WDR35: variants seen among roughly 807,000 people sequenced by gnomAD.
WDR35 encodes WD repeat domain 35.
In WDR35, 118 loss-of-function variants were observed where a neutral mutation model predicts 158.3. The observed-to-expected ratio is 0.75, with a 90% CI of 0.64 to 0.87. WDR35 has a LOEUF of 0.87. Ranked by LOEUF, WDR35 falls within the 40% of genes least tolerant of loss-of-function variation. The pLI, the probability that WDR35 is intolerant of heterozygous loss-of-function variation, is 0.00. For synonymous variants in WDR35, 448 were observed against 476.1 expected (o/e 0.94, Z 0.77); for missense variants, 1,263 against 1,405.8 (o/e 0.90, Z 1.62).
At chr2:19,946,316 T>G (rs774443272) in intron 15 of WDR35, 145 bp downstream of exon 15, 1 of 772,154 alleles carries the variant, frequency 1.3e-6, no homozygotes, top group South Asian at 1.5e-5. Context: ...TTAAACCAAA[T>G]GCAGTATAAA....
chr2:19,946,067 C>G, intron 15 of WDR35, 71 bp from the exon 16 acceptor site: 1 of 1,445,428 alleles, frequency 6.9e-7, no homozygotes, highest in Admixed American at 1.8e-5. Flanking sequence ...GAATAATTAC[C>G]TATAGCCATT....
chr2:19,987,592 G>A (rs1672609319), intron 2 of WDR35, among the ~76,000 whole-genome samples: 1 of 152,068 alleles, frequency 6.6e-6, no homozygotes. Context: ...GGGAGGCCGA[G>A]GTGGGTAGAT....
intron 25 of WDR35, among the ~76,000 whole-genome samples, chr2:19,926,561 A>T (rs2103391847): frequency 6.6e-6 from 1 of 152,358 alleles, no homozygotes; most frequent in South Asian, 2.1e-4. Flanking sequence ...ACTGATGACA[A>T]AAACAAAAAA....
In WDR35 at chr2:19,935,541, T is replaced by C. The variant is rs775387773; in HGVS notation, c.2477A>G (p.Tyr826Cys). Reference sequence around the variant, plus strand: ...TAACCCTTCATAATCCTCTAACATATAGTAACATTCAGCTAAGCGTTCCTG... The same window carrying C: ...TAACCCTTCATAATCCTCTAACATACAGTAACATTCAGCTAAGCGTTCCTG... ...RNQERLAECYYMLEDYEGLEN... is the reference protein window; with the variant it reads ...RNQERLAECYCMLEDYEGLEN... The change falls in exon 21 of 27, where the codon TAT (tyrosine) becomes TGT (cysteine). Residue 826 changes from tyrosine (Y) to cysteine (C), a missense_variant. Coordinates refer to ENST00000281405, the MANE Select transcript of WDR35 (RefSeq NM_020779.4). 6 of 1,613,268 alleles carry C rather than the reference T, an allele frequency of 3.7e-6. No homozygotes were observed. The highest frequency in any genetic ancestry group is 2.2e-5 in the East Asian group (1 of 44,764).
At chr2:19,982,383 G>A in intron 3 of WDR35, 80 bp downstream of exon 3, 3 of 1,291,512 alleles carry the variant, frequency 2.3e-6, no homozygotes, top group Non-Finnish European at 3.3e-6. Context: ...TTAAAATGTT[G>A]ACATTTCTGC....
At chr2:19,973,128 T>C (rs917078505) in intron 8 of WDR35, among the ~76,000 whole-genome samples, 49 of 152,206 alleles carry the variant, frequency 3.2e-4, no homozygotes, top group African/African-American at 1.1e-3. Flanking sequence ...AAATTAAAAG[T>C]ATTAGAAGTT....
At chr2:19,976,357 A>G (rs966798631) in intron 5 of WDR35, among the ~76,000 whole-genome samples, 4 of 152,220 alleles carry the variant, frequency 2.6e-5, no homozygotes, top group Non-Finnish European at 2.9e-5. Flanking sequence ...CTCCACTTCA[A>G]CTGCCACTCA....
At chr2:19,979,534 G>A (rs1476077673) in intron 4 of WDR35, among the ~76,000 whole-genome samples, 1 of 152,098 alleles carries the variant, frequency 6.6e-6, no homozygotes, top group African/African-American at 2.4e-5. Context: ...TTGTCTTTTA[G>A]CATAACCAAA....
chr2:19,912,150 A>G lies in WDR35; in HGVS notation c.*1408T>C, dbSNP rs1558316655. On this transcript the variant is annotated 3_prime_UTR_variant, in exon 27 of 27. Transcript: ENST00000281405. Reference sequence around the variant, plus strand: ...TCTTTCCACTCCACTGGCACGTTACACTAACAGTGTTAATCTATCATTGCT... The same window carrying G: ...TCTTTCCACTCCACTGGCACGTTACGCTAACAGTGTTAATCTATCATTGCT... The G allele has an allele frequency of 6.6e-6, 1 of 152,242 alleles. No individual in the cohort carries two copies. The highest frequency in any genetic ancestry group is 1.5e-5 in the Non-Finnish European group (1 of 68,050). The allele number at this position is 152,242 out of a possible 1,614,324, so 9.4% of individuals were successfully genotyped here.
intron 25 of WDR35, among the ~76,000 whole-genome samples, chr2:19,927,674 G>C (rs577324873): frequency 5.4e-4 from 82 of 152,276 alleles, no homozygotes; most frequent in African/African-American, 1.9e-3. Flanking sequence ...GAATAAAAAA[G>C]CGTCTAGAAG....
Position 19,980,727 on chromosome 2 carries a change from C to A in WDR35, c.271G>T (p.Glu91Ter). The A allele has an allele frequency of 2.5e-6, 4 of 1,613,756 alleles. No individual in the cohort carries two copies. The highest frequency in any genetic ancestry group is 3.4e-6 in the Non-Finnish European group (4 of 1,179,792). The change falls in exon 4 of 27, where the codon GAA becomes TAA. Residue 91 changes from glutamate to a stop codon, truncating the protein, a stop_gained. Coordinates refer to ENST00000281405, the MANE Select transcript of WDR35 (RefSeq NM_020779.4). LOFTEE classifies it high-confidence loss of function. ...EQYQKLTTSD[E>*]NGLIIVWMLY... Reference sequence around the variant, plus strand: ...ATCCACACAATGATAAGCCCGTTTTCATCACTGGTAGTCAACTTCTGATAC... The same window carrying A: ...ATCCACACAATGATAAGCCCGTTTTAATCACTGGTAGTCAACTTCTGATAC...
chr2:19,935,459 T>C lies in WDR35; in HGVS notation c.2547+12A>G, dbSNP rs1280129537. The C allele has an allele frequency of 1.2e-6, 2 of 1,612,374 alleles. No individual in the cohort carries two copies. The highest frequency in any genetic ancestry group is 1.7e-5 in the Admixed American group (1 of 59,872). On this transcript the variant is annotated intron_variant, in intron 21 of 26. Transcript: ENST00000281405. ...CCTAACAATTCCAAAAACTAAAATT[T>C]GCAATACCTACTGGAAGTAACTTGT...
chr2:19,969,373 C>T, intron 9 of WDR35, 107 bp downstream of exon 9: 2 of 1,242,158 alleles, frequency 1.6e-6, no homozygotes, highest in South Asian at 2.9e-5. Flanking sequence ...AAAAAGGCTT[C>T]CTTTCTGCTA....
chr2:19,914,298 G>C (rs1669930288), intron 25 of WDR35, 21 bp from the exon 26 acceptor site: 1 of 1,613,584 alleles, frequency 6.2e-7, no homozygotes, highest in African/African-American at 1.3e-5. Context: ...CAGGGCAATT[G>C]GGGTTTTTTA....
Position 19,973,654 on chromosome 2 carries a change from A to G in WDR35, c.791T>C (p.Met264Thr). The change falls in exon 8 of 27, where the codon ATG (methionine) becomes ACG (threonine). Residue 264 changes from methionine (M) to threonine (T), a missense_variant. Met to Thr is a moderately conservative substitution (Grantham distance 81). Coordinates refer to ENST00000281405, the MANE Select transcript of WDR35 (RefSeq NM_020779.4). ...MYVVGIQWNHMGSVLAVAGFQ... is the reference protein window; with the variant it reads ...MYVVGIQWNHTGSVLAVAGFQ... ...GCCTGCCACAGCTAACACGCTGCCC[A>G]TGTGGTTCCACTGGATGCCTACTAC... 6.2e-7 allele frequency: 1 copy of G among 1,614,184 alleles called. No homozygotes were observed. The highest frequency in any genetic ancestry group is 8.5e-7 in the Non-Finnish European group (1 of 1,180,038).
Position 19,957,507 on chromosome 2 carries a change from T to C in WDR35, c.1255+3047A>G, listed in dbSNP as rs76855119. ...AGGCCCTCCATGCCCTTTTTGACTG[T>C]TCAATATCTGAAAAGAAAAAAATTT... On this transcript the variant is annotated intron_variant, in intron 11 of 26. Transcript: ENST00000281405. Among the ~76,000 whole-genome samples the C allele has an allele frequency of 1.1e-3, 161 of 151,796 alleles. 1 individual carries two copies. Among genetic ancestry groups the C allele is most frequent in the Non-Finnish European group, 1.9e-3 (127 of 67,944 alleles).
At chr2:19,973,779 A>G in intron 7 of WDR35, 71 bp from the exon 8 acceptor site, 3 of 1,543,738 alleles carry the variant, frequency 1.9e-6, no homozygotes, top group Non-Finnish European at 1.8e-6. Context: ...AATCTTAAGA[A>G]CAACTTTTAA....
chr2:19,936,231 TC>T lies in WDR35; in HGVS notation c.2401del (p.Asp801IlefsTer6). Reference sequence around the variant, plus strand: ...GTAAGTTACATACCACTTTTGTCGATCAGCAAAGTAGTCTCCAATGGCATTG... The same window carrying T: ...GTAAGTTACATACCACTTTTGTCGATAGCAAAGTAGTCTCCAATGGCATTG... ...ANNAIGDYFA[D>X]RQKWLNAVQY... is the part of the protein sequence containing the mutation. On this transcript the variant is annotated frameshift_variant, in exon 20 of 27. Transcript: ENST00000281405. LOFTEE classifies it high-confidence loss of function. 6.2e-7 allele frequency: 1 copy of T among 1,613,906 alleles called. No homozygotes were observed. Among genetic ancestry groups the T allele is most frequent in the Non-Finnish European group, 8.5e-7 (1 of 1,179,882 alleles).
intron 25 of WDR35, among the ~76,000 whole-genome samples, chr2:19,914,701 T>C (rs541552238): frequency 6.6e-6 from 1 of 152,320 alleles, no homozygotes; most frequent in African/African-American, 2.4e-5. Context: ...CAAAACAATA[T>C]AAGCAAAACA....
Sources: gnomAD v4.1 joint callset for allele counts (sites outside exome capture counted in the v4.1 genomes callset) on GRCh38, gnomAD v4.1.1 for gene constraint, MANE v1.5 for transcripts, NCBI Gene and HGNC (gene_info 2026-07-23, HGNC 2026-07-21) for gene names.